Variants in TSPAN9 observed in about 807,000 individuals in gnomAD.
The protein encoded by TSPAN9 is tetraspanin 9.
Under a neutral mutation model 31.0 loss-of-function variants are expected in TSPAN9, and 16 were observed. The ratio of observed to expected loss-of-function variants is 0.52; its 90% confidence interval spans 0.35 to 0.78. TSPAN9 has a LOEUF of 0.78. Ranked by LOEUF, TSPAN9 falls within the 30% of genes least tolerant of loss-of-function variation. The pLI is 0.01. For missense variants in TSPAN9, 272 were observed against 312.5 expected, an observed-to-expected ratio of 0.87 and a Z score of 0.98; for synonymous variants, 145 against 121.6, an observed-to-expected ratio of 1.19 and a Z score of -1.27.
chr12:3,214,283 G>C (rs574782595), intron 3 of TSPAN9, among the ~76,000 whole-genome samples: 2 of 152,350 alleles, frequency 1.3e-5, no homozygotes, highest in African/African-American at 4.8e-5. Context: ...TCGGTAGAGT[G>C]ATGGACCACG....
At position 3,198,364 on chromosome 12, in the gene TSPAN9, C is replaced by T. The variant is rs1479923821; in HGVS notation, c.-17-2813C>T. 1.8e-5 allele frequency among the ~76,000 whole-genome samples: 2 copies of T among 112,192 alleles called. 1 individual carries two copies. The highest frequency in any genetic ancestry group is 7.0e-5 in the African/African-American group (2 of 28,592). 73.6% of individuals were successfully genotyped at this position (112,192 alleles called of 152,430 possible). Reference sequence around the variant, plus strand: ...CACAGCTCACCGTACCAGCACAGGCCACCACCAGCACAGGCCACCACCAGC... The same window carrying T: ...CACAGCTCACCGTACCAGCACAGGCTACCACCAGCACAGGCCACCACCAGC... On this transcript the variant is annotated intron_variant, in intron 2 of 8. Transcript: ENST00000011898.
chr12:3,178,394 G>A (rs530177188), intron 2 of TSPAN9, among the ~76,000 whole-genome samples: 4 of 152,036 alleles, frequency 2.6e-5, no homozygotes, highest in East Asian at 3.9e-4. Flanking sequence ...GGGTTCAAGC[G>A]ATTCTCCTGC....
chr12:3,154,538 C>T (rs532438546), intron 2 of TSPAN9, among the ~76,000 whole-genome samples: 2 of 152,296 alleles, frequency 1.3e-5, no homozygotes, highest in East Asian at 1.9e-4. Flanking sequence ...CTCAGATGAG[C>T]GATAACAGCC....
In TSPAN9 at chr12:3,245,523, T is replaced by C. The variant is rs565791217; in HGVS notation, c.64-32898T>C. ...GGCAAAGTTTCCCCTTGATTTGCCA[T>C]ATGACCTCGGAACATCTCCTTGGGC... On this transcript the variant is annotated intron_variant, in intron 3 of 8. Coordinates refer to ENST00000011898, the MANE Select transcript of TSPAN9 (RefSeq NM_006675.5). Among the ~76,000 whole-genome samples the C allele has an allele frequency of 3.3e-5, 5 of 152,314 alleles. No homozygotes were observed. In the East Asian group the frequency reaches 7.7e-4, roughly 23 times the overall value.
chr12:3,183,264 C>T (rs1007414190), intron 2 of TSPAN9, among the ~76,000 whole-genome samples: 2 of 152,148 alleles, frequency 1.3e-5, no homozygotes, highest in African/African-American at 4.8e-5. Flanking sequence ...TGGGCTTGGG[C>T]TGAACAGAGG....
Position 3,107,355 on chromosome 12 carries a change from G to A in TSPAN9, c.-18+23636G>A, listed in dbSNP as rs757992779. Among the ~76,000 whole-genome samples, 14 of 152,350 alleles carry A rather than the reference G, an allele frequency of 9.2e-5. No individual in the cohort carries two copies. The highest frequency in any genetic ancestry group is 4.6e-4 in the Admixed American group (7 of 15,296). On this transcript the variant is annotated intron_variant, in intron 2 of 8. Coordinates refer to ENST00000011898, the MANE Select transcript of TSPAN9 (RefSeq NM_006675.5). The surrounding 1 kb of genome is among the most constrained non-coding windows in gnomAD (Gnocchi z 4.1). ...GGTCTGCCAGGCGGCACTGCAGGGG[G>A]CGGGAGTGGCCTGGAGGCTGAGATG...
chr12:3,213,975 C>G (rs187338877), intron 3 of TSPAN9, among the ~76,000 whole-genome samples: 1 of 152,190 alleles, frequency 6.6e-6, no homozygotes, highest in South Asian at 2.1e-4. Flanking sequence ...CCAGTTAACT[C>G]TCGCTTGTAT....
At chr12:3,264,294 G>A (rs993054786) in intron 3 of TSPAN9, among the ~76,000 whole-genome samples, 2 of 152,146 alleles carry the variant, frequency 1.3e-5, no homozygotes, top group Non-Finnish European at 2.9e-5. Context: ...GATTTGCCTC[G>A]GCCCCTTCTG....
intron 2 of TSPAN9, among the ~76,000 whole-genome samples, chr12:3,189,318 G>T (rs1005916568): frequency 6.6e-6 from 1 of 152,212 alleles, no homozygotes; most frequent in African/African-American, 2.4e-5. Flanking sequence ...TCTGGGATTT[G>T]TGGGGAAGAA....
At chr12:3,204,971 T>G (rs1004728950) in intron 3 of TSPAN9, among the ~76,000 whole-genome samples, 5 of 152,098 alleles carry the variant, frequency 3.3e-5, no homozygotes, top group African/African-American at 9.7e-5. Context: ...ACTCGGAGCT[T>G]CAAACTGTGA....
intron 3 of TSPAN9, among the ~76,000 whole-genome samples, chr12:3,261,596 G>A (rs1027229869): frequency 3.3e-5 from 5 of 152,198 alleles, no homozygotes; most frequent in Admixed American, 1.3e-4. Context: ...CTTTGCCTCC[G>A]AAGATGTGAC....
chr12:3,191,767 T>C (rs1436476440), intron 2 of TSPAN9, among the ~76,000 whole-genome samples: 2 of 152,198 alleles, frequency 1.3e-5, no homozygotes, highest in Non-Finnish European at 2.9e-5. Flanking sequence ...AGTCTCTGCC[T>C]TTCTGGGGTT....
At chr12:3,275,313 G>A (rs867546114) in intron 3 of TSPAN9, among the ~76,000 whole-genome samples, 11 of 152,196 alleles carry the variant, frequency 7.2e-5, no homozygotes, top group South Asian at 2.1e-4. Context: ...TTCCAGGCCC[G>A]AGAAGGGTCC....
chr12:3,238,866 C>T (rs1222413784), intron 3 of TSPAN9, among the ~76,000 whole-genome samples: 1 of 151,956 alleles, frequency 6.6e-6, no homozygotes, highest in African/African-American at 2.4e-5. Context: ...GTGGGGCCGC[C>T]CTTTGTGTGT....
At chr12:3,124,568 G>A (rs561994828) in intron 2 of TSPAN9, among the ~76,000 whole-genome samples, 16 of 151,632 alleles carry the variant, frequency 1.1e-4, no homozygotes, top group African/African-American at 3.4e-4. Context: ...CAACCAACAC[G>A]CGTGGCTAAT....
At chr12:3,138,806 C>T (rs773762807) in intron 2 of TSPAN9, among the ~76,000 whole-genome samples, 50 of 152,292 alleles carry the variant, frequency 3.3e-4, no homozygotes, top group Admixed American at 6.5e-4. Context: ...TTTGCCCCAT[C>T]TACCTCCTTC....
At chr12:3,083,149 A>G (rs1203112650) in intron 1 of TSPAN9, among the ~76,000 whole-genome samples, 2 of 152,208 alleles carry the variant, frequency 1.3e-5, no homozygotes, top group Non-Finnish European at 2.9e-5. Context: ...TTATTGCTCC[A>G]TAAGAGTAAC....
At chr12:3,275,183 C>G (rs1024699101) in intron 3 of TSPAN9, among the ~76,000 whole-genome samples, 1 of 152,220 alleles carries the variant, frequency 6.6e-6, no homozygotes, top group Admixed American at 6.5e-5. Flanking sequence ...GTAGAGGTAC[C>G]TGAGCATCCC....
At position 3,209,213 on chromosome 12, in the gene TSPAN9, C is replaced by T. The variant is rs888544132; in HGVS notation, c.63+7957C>T. Among the ~76,000 whole-genome samples the T allele has an allele frequency of 1.4e-4, 20 of 143,102 alleles. 1 individual carries two copies. The South Asian group carries it at 3.4e-3, about 25-fold the overall frequency. The allele number at this position is 143,102 out of a possible 152,430, so 93.9% of individuals were successfully genotyped here. A position where few individuals can be genotyped will look rare whatever the true frequency, so the allele number is the denominator to read the frequency against. ...CCACACCATTGCACTGCAGCCTGGG[C>T]GACAGAGTGAGACTCCATCTCAAAA... On this transcript the variant is annotated intron_variant, in intron 3 of 8. Transcript: ENST00000011898.
Sources: allele counts gnomAD v4.1 joint callset (sites outside exome capture counted in the v4.1 genomes callset), GRCh38; gene constraint gnomAD v4.1.1; non-coding constraint Gnocchi (gnomAD v3.1); transcripts MANE v1.5; gene names NCBI Gene and HGNC (gene_info 2026-07-23, HGNC 2026-07-21).